The following NRG1 variants were observed in gnomAD, a reference collection of about 807,000 sequenced individuals.
The protein encoded by NRG1 is neuregulin 1.
In NRG1, 18 loss-of-function variants were observed where a neutral mutation model predicts 63.8. The ratio of observed to expected loss-of-function variants is 0.28; its 90% CI spans 0.19 to 0.42. The LOEUF (loss-of-function observed/expected upper bound fraction) is 0.42. Ranked by LOEUF, NRG1 falls within the 10% of genes least tolerant of loss-of-function variation. The pLI is 1.00. For synonymous variants in NRG1, 302 were observed against 301.3 expected (o/e 1.00, Z -0.02); for missense variants, 762 against 814.7 (o/e 0.94, Z 0.79).
chr8:31,974,645 G>A (rs763806522), intron 1 of NRG1, among the ~76,000 whole-genome samples: 1 of 152,116 alleles, frequency 6.6e-6, no homozygotes, highest in Non-Finnish European at 1.5e-5. Flanking sequence ...TGTTTACATG[G>A]GCCTTCCACT....
intron 5 of NRG1, among the ~76,000 whole-genome samples, chr8:32,624,288 T>C (rs1053832005): frequency 5.3e-5 from 8 of 152,190 alleles, no homozygotes; most frequent in Non-Finnish European, 8.8e-5. Context: ...TCCAGCTGAG[T>C]GGGGGCTGGG....
At chr8:32,586,158 C>CTA (rs5890660) in intron 1 of NRG1, among the ~76,000 whole-genome samples, 131 of 146,348 alleles carry the variant, frequency 9.0e-4, no homozygotes, top group African/African-American at 2.7e-3. Flanking sequence ...GTTGAAAGTA[C>CTA]TATATATATA....
chr8:32,604,100 C>T (rs1294551437), intron 2 of NRG1, among the ~76,000 whole-genome samples: 5 of 152,134 alleles, frequency 3.3e-5, no homozygotes, highest in Non-Finnish European at 5.9e-5. Flanking sequence ...TCATGAGAGG[C>T]GTACTCAGGG....
At chr8:32,626,548 C>T (rs749797204) in intron 5 of NRG1, among the ~76,000 whole-genome samples, 23 of 151,800 alleles carry the variant, frequency 1.5e-4, no homozygotes, top group Non-Finnish European at 2.9e-4. Flanking sequence ...GGCATGGTGG[C>T]GGTTGCCTGT....
In NRG1 at chr8:32,638,520, G is replaced by T. The variant is rs569554263; in HGVS notation, c.502+21635G>T. On this transcript the variant is annotated intron_variant, in intron 5 of 11. Coordinates refer to ENST00000356819, the Ensembl canonical transcript of NRG1. ...TTTCTCCCAGTGTCTTAGAGATATG[G>T]TCTCCTTCTGTTGCCTAGGCTGGTC... Among the ~76,000 whole-genome samples the T allele has an allele frequency of 2.0e-5, 3 of 152,182 alleles. No individual in the cohort carries two copies. In the East Asian group the frequency reaches 5.8e-4, roughly 29 times the overall value.
chr8:32,467,388 C>T (rs372233146), intron 1 of NRG1, among the ~76,000 whole-genome samples: 17 of 152,266 alleles, frequency 1.1e-4, no homozygotes, highest in African/African-American at 3.9e-4. Flanking sequence ...ACCAGGACCA[C>T]TGTTGCCCTG....
rs1289290382 is a variant in NRG1 at position 31,937,545 on chromosome 8, G to T, written c.37+298114G>T. Among the ~76,000 whole-genome samples the T allele has an allele frequency of 2.0e-5, 3 of 152,136 alleles. No individual in the cohort carries two copies. The South Asian group carries it at 6.2e-4, about 32-fold the overall frequency. ...CCTTTGAGGGAACTGGATCATCTTT[G>T]CAGACTCCCTGAGATGTCGAAAAAC... On this transcript the variant is annotated intron_variant, in intron 1 of 10. Coordinates refer to the NRG1 transcript ENST00000519301.
intron 1 of NRG1, among the ~76,000 whole-genome samples, chr8:32,092,865 G>A (rs905410996): frequency 6.6e-6 from 1 of 152,144 alleles, no homozygotes; most frequent in Non-Finnish European, 1.5e-5. Context: ...GGATCTTTAG[G>A]CGAAGTGACA....
intron 1 of NRG1, among the ~76,000 whole-genome samples, chr8:32,503,623 T>G (rs1047939535): frequency 6.6e-6 from 1 of 152,146 alleles, no homozygotes; most frequent in Admixed American, 6.6e-5. Flanking sequence ...AAAATGTATA[T>G]TTCATGTTGA....
At chr8:32,481,668 C>A (rs1202938870) in intron 1 of NRG1, among the ~76,000 whole-genome samples, 1 of 152,220 alleles carries the variant, frequency 6.6e-6, no homozygotes, top group Admixed American at 6.5e-5. Context: ...TTAATTGATT[C>A]ACCTCTAATA....
At chr8:32,606,115 GT>G (rs1845227825) in intron 3 of NRG1, among the ~76,000 whole-genome samples, 1 of 148,560 alleles carries the variant, frequency 6.7e-6, no homozygotes, top group Admixed American at 6.8e-5. Context: ...CGTTATATAT[GT>G]ATATATGTTT....
intron 1 of NRG1, among the ~76,000 whole-genome samples, chr8:31,773,522 T>C (rs1395387609): frequency 1.3e-5 from 2 of 152,318 alleles, no homozygotes; most frequent in East Asian, 1.9e-4. Flanking sequence ...TAAATTGACT[T>C]CCTAACTAGG....
At chr8:31,774,776 C>T (rs1818957571) in intron 1 of NRG1, among the ~76,000 whole-genome samples, 1 of 152,122 alleles carries the variant, frequency 6.6e-6, no homozygotes, top group South Asian at 2.1e-4. Flanking sequence ...CTTTAAAGTA[C>T]ACGAACAGAC....
At chr8:31,845,106 CAAATAAAT>C (rs3052830) in intron 1 of NRG1, among the ~76,000 whole-genome samples, 251 of 146,312 alleles carry the variant, frequency 1.7e-3, no homozygotes, top group African/African-American at 4.6e-3. Context: ...GACTCCGTCT[CAAATAAAT>C]AAATAAATAA....
At chr8:32,350,855 A>G (rs919689413) in intron 1 of NRG1, among the ~76,000 whole-genome samples, 2 of 152,192 alleles carry the variant, frequency 1.3e-5, no homozygotes, top group Non-Finnish European at 2.9e-5. Flanking sequence ...TTTTGAGGGC[A>G]GTAATCACCA....
At chr8:32,105,209 A>T (rs1289340662) in intron 1 of NRG1, among the ~76,000 whole-genome samples, 1 of 152,168 alleles carries the variant, frequency 6.6e-6, no homozygotes, top group Non-Finnish European at 1.5e-5. Flanking sequence ...TAGGCAATCC[A>T]TCAGTGACCA....
intron 1 of NRG1, among the ~76,000 whole-genome samples, chr8:32,377,247 T>G (rs1420994291): frequency 6.6e-6 from 1 of 152,234 alleles, no homozygotes; most frequent in African/African-American, 2.4e-5. Context: ...TGTGTTCCTT[T>G]GTTTCCCCAT....
intron 1 of NRG1, among the ~76,000 whole-genome samples, chr8:32,385,688 G>T (rs1810928827): frequency 6.6e-6 from 1 of 152,074 alleles, no homozygotes; most frequent in African/African-American, 2.4e-5. Flanking sequence ...TGTTAAACCA[G>T]TCAAGAGAAA....
intron 1 of NRG1, among the ~76,000 whole-genome samples, chr8:32,525,391 G>GGTGTGTGT (rs200594879): frequency 2.3e-3 from 339 of 145,878 alleles, no homozygotes; most frequent in African/African-American, 5.1e-3. Context: ...ATGAGGTAGG[G>GGTGTGTGT]GTGTGTGTGT....
Sources: allele counts gnomAD v4.1 joint callset (sites outside exome capture counted in the v4.1 genomes callset), GRCh38; gene constraint gnomAD v4.1.1; transcripts MANE v1.5; gene names NCBI Gene and HGNC (gene_info 2026-07-23, HGNC 2026-07-21).